CSNK2A1: variants seen among roughly 807,000 people sequenced by gnomAD.
CSNK2A1 encodes casein kinase II subunit alpha.
Under a neutral mutation model 62.9 loss-of-function variants are expected in CSNK2A1, and 10 were observed. The ratio of observed to expected loss-of-function variants is 0.16; its 90% confidence interval spans 0.10 to 0.27. The LOEUF (loss-of-function observed/expected upper bound fraction) is 0.27, where lower values mean the gene tolerates loss of function less well. Among genes scored for constraint, CSNK2A1 ranks in the 10% least tolerant of loss-of-function variants. The pLI is 1.00. For missense variants in CSNK2A1, 160 were observed against 492.0 expected (o/e 0.33, Z 6.38); for synonymous variants, 124 against 167.8 (o/e 0.74, Z 2.02).
intron 3 of CSNK2A1, 36 bp from the exon 4 acceptor site, chr20:505,265 A>G: frequency 6.7e-7 from 1 of 1,495,988 alleles, no homozygotes; most frequent in South Asian, 1.2e-5. Context: ...TAAACGGTCA[A>G]ATTATCAGCA....
rs556151708 is a variant in CSNK2A1, at chr20:524,219, C to T, written c.-110+3714G>A. The stretch of plus-strand genomic sequence containing the variant: ...TGGGCAGATCACCTGAGGTCAGGAG[C>T]TCAAAACCACCCTGGCCAGTACAGT... On this transcript the variant is annotated intron_variant, in intron 2 of 13. Coordinates refer to ENST00000217244, the MANE Select transcript of CSNK2A1 (RefSeq NM_177559.3). Among the ~76,000 whole-genome samples, 12 of 151,682 alleles carry T rather than the reference C, an allele frequency of 7.9e-5. No homozygotes were observed. In the South Asian group the frequency reaches 1.3e-3, roughly 16 times the overall value.
intron 1 of CSNK2A1, among the ~76,000 whole-genome samples, chr20:537,219 TA>T (rs1260759460): frequency 8.5e-5 from 13 of 152,118 alleles, no homozygotes; most frequent in Non-Finnish European, 1.8e-4. Flanking sequence ...CATAAAAAAT[TA>T]TAAAACATTA....
chr20:513,716 C>G (rs573288652), intron 2 of CSNK2A1, among the ~76,000 whole-genome samples: 3 of 152,254 alleles, frequency 2.0e-5, no homozygotes, highest in African/African-American at 7.2e-5. Flanking sequence ...TGGGAAAAGA[C>G]TAATAACTAA....
At chr20:516,775 C>T (rs1268643045) in intron 2 of CSNK2A1, among the ~76,000 whole-genome samples, 1 of 152,086 alleles carries the variant, frequency 6.6e-6, no homozygotes, top group African/African-American at 2.4e-5. Context: ...AAAGATCATT[C>T]TAGAACTTTA....
At chr20:532,268 G>A (rs1347230522) in intron 1 of CSNK2A1, among the ~76,000 whole-genome samples, 2 of 151,044 alleles carry the variant, frequency 1.3e-5, no homozygotes, top group Non-Finnish European at 2.9e-5. Context: ...GGGTTCAAGC[G>A]ATTCCCCCGC....
At chr20:516,580 C>A (rs2018832935) in intron 2 of CSNK2A1, among the ~76,000 whole-genome samples, 1 of 152,182 alleles carries the variant, frequency 6.6e-6, no homozygotes, top group African/African-American at 2.4e-5. Flanking sequence ...ATAAAAACTC[C>A]TCTTGCCCTT....
intron 2 of CSNK2A1, among the ~76,000 whole-genome samples, chr20:509,109 C>A (rs1038882669): frequency 5.9e-5 from 9 of 152,210 alleles, no homozygotes; most frequent in Admixed American, 2.6e-4. Flanking sequence ...GCCATTCTGA[C>A]TCATATTTGA....
intron 3 of CSNK2A1, 131 bp downstream of exon 3, chr20:508,320 A>C: frequency 2.0e-6 from 2 of 1,025,014 alleles, no homozygotes; most frequent in Non-Finnish European, 2.7e-6. Flanking sequence ...CTCAAAAGAA[A>C]ACACAAATTG....
chr20:507,461 A>C (rs762094107), intron 3 of CSNK2A1: 1 of 152,236 alleles, frequency 6.6e-6, no homozygotes, highest in Non-Finnish European at 1.5e-5. Flanking sequence ...TTTTATCACA[A>C]AAGTATGATC....
rs2018147987 is a variant in CSNK2A1, at chr20:488,421, C to T, written c.824+257G>A. ...TTTTGCCTCAACTGTAACCCTTCTACTAGAATCTACATTCATTTTGTAGGA... is the reference window on the plus strand; with the variant it reads ...TTTTGCCTCAACTGTAACCCTTCTATTAGAATCTACATTCATTTTGTAGGA... On this transcript the variant is annotated intron_variant, in intron 11 of 13. Coordinates refer to ENST00000217244, the MANE Select transcript of CSNK2A1 (RefSeq NM_177559.3). The T allele has an allele frequency of 4.3e-5, 16 of 373,848 alleles. No individual in the cohort carries two copies. The South Asian group carries it at 6.1e-4, about 14-fold the overall frequency. 23.2% of individuals were successfully genotyped at this position (373,848 alleles called of 1,614,324 possible). A position where few individuals can be genotyped will look rare whatever the true frequency, so the allele number is the denominator to read the frequency against.
At chr20:528,368 T>C (rs1401020163) in intron 1 of CSNK2A1, among the ~76,000 whole-genome samples, 1 of 152,232 alleles carries the variant, frequency 6.6e-6, no homozygotes, top group Non-Finnish European at 1.5e-5. Context: ...GTAAGGGCAG[T>C]AAAAACTGGT....
chr20:483,128 T>C lies in CSNK2A1; in HGVS notation c.*833A>G, dbSNP rs1271337318. 6.6e-6 allele frequency: 1 copy of C among 152,080 alleles called. No homozygotes were observed. The highest frequency in any genetic ancestry group is 1.9e-4 in the East Asian group (1 of 5,202). 9.4% of individuals were successfully genotyped at this position (152,080 alleles called of 1,614,324 possible). On this transcript the variant is annotated 3_prime_UTR_variant, in exon 14 of 14. Coordinates refer to ENST00000217244, the MANE Select transcript of CSNK2A1 (RefSeq NM_177559.3). ...CCAAGACAAAGAAAACTAAGAAAGA[T>C]TTTGCCTTCCCTCTCCTACCAGCTA...
intron 1 of CSNK2A1, among the ~76,000 whole-genome samples, chr20:537,356 G>C (rs912158474): frequency 6.6e-6 from 1 of 152,112 alleles, no homozygotes; most frequent in East Asian, 1.9e-4. Context: ...CTGTTGCTAC[G>C]TAGGGTTTTT....
Position 482,554 on chromosome 20 carries a change from C to G in CSNK2A1, c.*1407G>C, listed in dbSNP as rs2122488309. 1 of 152,368 alleles carries G rather than the reference C, an allele frequency of 6.6e-6. No individual in the cohort carries two copies. The highest frequency in any genetic ancestry group is 2.1e-4 in the South Asian group (1 of 4,820). The allele number at this position is 152,368 out of a possible 1,614,324, so 9.4% of individuals were successfully genotyped here. On this transcript the variant is annotated 3_prime_UTR_variant, in exon 14 of 14. Transcript: ENST00000217244. ...TTTTTTTTAAGGCCTCTCTGCTCTG[C>G]CCGGTACCATGGGTCGAACGAGGGG... is the stretch of plus-strand genomic sequence containing the variant.
chr20:478,438 C>A lies in CSNK2A1; in HGVS notation c.*5523G>T. On this transcript the variant is annotated 3_prime_UTR_variant, in exon 14 of 14. Coordinates refer to ENST00000217244, the MANE Select transcript of CSNK2A1 (RefSeq NM_177559.3). The stretch of plus-strand genomic sequence containing the variant: ...TCCCAGGGTGGGATCAGGAAGCCAG[C>A]CCCAGCTGCTGCAGCATTTTTTTCC... The A allele has an allele frequency of 4.4e-6, 1 of 225,510 alleles. No homozygotes were observed. Among genetic ancestry groups the A allele is most frequent in the South Asian group, 4.1e-5 (1 of 24,494 alleles). 14.0% of individuals were successfully genotyped at this position (225,510 alleles called of 1,614,324 possible).
chr20:509,003 T>C (rs957795733), intron 2 of CSNK2A1, among the ~76,000 whole-genome samples: 3 of 152,210 alleles, frequency 2.0e-5, no homozygotes, highest in African/African-American at 7.2e-5. Context: ...ACAAAAGGTA[T>C]TGGCAAGAAA....
intron 1 of CSNK2A1, among the ~76,000 whole-genome samples, chr20:538,534 G>A (rs1322627822): frequency 2.0e-5 from 3 of 152,126 alleles, no homozygotes; most frequent in Non-Finnish European, 4.4e-5. Flanking sequence ...CATATTTTAT[G>A]AATCCAATTA....
chr20:523,664 GA>G (rs1428092865), intron 2 of CSNK2A1, among the ~76,000 whole-genome samples: 3 of 152,180 alleles, frequency 2.0e-5, no homozygotes, highest in African/African-American at 4.8e-5. Flanking sequence ...GGCCGAAGCG[GA>G]TGGATCACAA....
chr20:520,573 C>T (rs1314315586), intron 2 of CSNK2A1, among the ~76,000 whole-genome samples: 1 of 152,146 alleles, frequency 6.6e-6, no homozygotes, highest in Non-Finnish European at 1.5e-5. Flanking sequence ...GATCTCAACT[C>T]ACTGCAACCT....
Sources: gnomAD v4.1 joint callset for allele counts (sites outside exome capture counted in the v4.1 genomes callset) on GRCh38, gnomAD v4.1.1 for gene constraint, MANE v1.5 for transcripts, NCBI Gene and HGNC (gene_info 2026-07-23, HGNC 2026-07-21) for gene names.